The following BMP6 variants were observed in gnomAD, a reference collection of about 807,000 sequenced individuals.
The protein encoded by BMP6 is bone morphogenetic protein 6.
Under a neutral mutation model 54.1 loss-of-function variants are expected in BMP6, and 17 were observed. The ratio of observed to expected loss-of-function variants is 0.31; its 90% CI spans 0.22 to 0.47. The LOEUF (loss-of-function observed/expected upper bound fraction) is 0.47. Ranked by LOEUF, BMP6 falls within the 20% of genes least tolerant of loss-of-function variation. The probability of loss-of-function intolerance (pLI) is 1.00; values close to 1 mark genes in which losing one functional copy is unlikely to be tolerated. For synonymous variants in BMP6, 328 were observed against 291.2 expected, an observed-to-expected ratio of 1.13 and a Z score of -1.28; for missense variants, 720 against 690.4, an observed-to-expected ratio of 1.04 and a Z score of -0.48.
At chr6:7,838,151 T>C (rs948981030) in intron 1 of BMP6, among the ~76,000 whole-genome samples, 1 of 151,962 alleles carries the variant, frequency 6.6e-6, no homozygotes, top group Non-Finnish European at 1.5e-5. Flanking sequence ...TAGTAAGATA[T>C]TTTGAAAAAG....
chr6:7,783,856 C>A (rs1757983744), intron 1 of BMP6, among the ~76,000 whole-genome samples: 1 of 152,232 alleles, frequency 6.6e-6, no homozygotes, highest in Non-Finnish European at 1.5e-5. Context: ...TGTCTCCTAG[C>A]AAATGACATT....
At chr6:7,832,240 C>T (rs971553674) in intron 1 of BMP6, among the ~76,000 whole-genome samples, 2 of 152,088 alleles carry the variant, frequency 1.3e-5, no homozygotes, top group Admixed American at 6.5e-5. Context: ...TGCAATAGAC[C>T]GAATGTTTGT....
In BMP6 at chr6:7,727,191, T is replaced by C. The variant is rs1311229953; in HGVS notation, c.236T>C (p.Met79Thr). The change falls in exon 1 of 7, where the codon ATG (methionine) becomes ACG (threonine). Residue 79 changes from methionine to threonine, a missense_variant. By Grantham distance (81) the Met-to-Thr change is moderately conservative. Coordinates refer to ENST00000283147, the MANE Select transcript of BMP6 (RefSeq NM_001718.6). ...CTCAAGACGCAGGAGAAGCGGGAGA[T>C]GCAGAAGGAGATCTTGTCGGTGCTG... ...RRLKTQEKRE[M>T]QKEILSVLGL... The C allele has an allele frequency of 3.1e-6, 5 of 1,602,938 alleles. No homozygotes were observed. In the South Asian group the frequency reaches 3.3e-5, roughly 11 times the overall value.
intron 1 of BMP6, among the ~76,000 whole-genome samples, chr6:7,757,307 C>G (rs902649211): frequency 5.3e-5 from 8 of 152,174 alleles, no homozygotes; most frequent in Non-Finnish European, 1.2e-4. Context: ...GGCAGTGCTC[C>G]CCCTGAAGAC....
chr6:7,726,890 C>T lies in BMP6; in HGVS notation c.-66C>T. 9.9e-7 allele frequency: 1 copy of T among 1,011,138 alleles called. No homozygotes were observed. Among genetic ancestry groups the T allele is most frequent in the Non-Finnish European group, 1.2e-6 (1 of 841,982 alleles). 62.6% of individuals were successfully genotyped at this position (1,011,138 alleles called of 1,614,324 possible). ...CTCACGCCAAGGGCCACAGCGGCCG[C>T]GCTCCGGCCTCGCTCCGCCGCTCCA... On this transcript the variant is annotated 5_prime_UTR_variant, in exon 1 of 7. Transcript: ENST00000283147.
chr6:7,729,773 T>TA (rs1367169004), intron 1 of BMP6, among the ~76,000 whole-genome samples: 2 of 152,164 alleles, frequency 1.3e-5, no homozygotes, highest in Non-Finnish European at 2.9e-5. Context: ...ACGTGGGTGT[T>TA]ACGTGGGAGG....
At chr6:7,812,398 A>G (rs1022747916) in intron 1 of BMP6, among the ~76,000 whole-genome samples, 3 of 152,252 alleles carry the variant, frequency 2.0e-5, no homozygotes, top group African/African-American at 7.2e-5. Flanking sequence ...ACAAACTAGA[A>G]GAAAATAAAG....
At chr6:7,849,859 A>G (rs940987277) in intron 2 of BMP6, among the ~76,000 whole-genome samples, 3 of 152,200 alleles carry the variant, frequency 2.0e-5, no homozygotes, top group Non-Finnish European at 4.4e-5. Flanking sequence ...GTGATGGTCT[A>G]TATTCTGTGT....
At chr6:7,858,641 G>A (rs1401401795) in intron 2 of BMP6, among the ~76,000 whole-genome samples, 3 of 151,780 alleles carry the variant, frequency 2.0e-5, no homozygotes, top group Admixed American at 6.6e-5. Flanking sequence ...TCTCTCTGGG[G>A]GCTCAGCTGT....
chr6:7,735,553 A>G lies in BMP6; in HGVS notation c.664+7934A>G, dbSNP rs531304139. Among the ~76,000 whole-genome samples, 217 of 152,352 alleles carry G rather than the reference A, an allele frequency of 1.4e-3. 1 individual carries two copies. Among genetic ancestry groups the G allele is most frequent in the Middle Eastern group, 0.01 (3 of 294 alleles). On this transcript the variant is annotated intron_variant, in intron 1 of 6. Transcript: ENST00000283147. ...TAGACTCCCATATCGGAATAAGTTA[A>G]CAACGGAGAAGCTGTACATTTTTTA...
intron 1 of BMP6, among the ~76,000 whole-genome samples, chr6:7,799,792 G>C (rs1011831777): frequency 5.3e-5 from 8 of 150,848 alleles, no homozygotes; most frequent in Non-Finnish European, 1.0e-4. Flanking sequence ...TATTATCATA[G>C]AGTCTTTAAA....
intron 1 of BMP6, among the ~76,000 whole-genome samples, chr6:7,734,168 A>G (rs1204436204): frequency 2.6e-5 from 4 of 152,146 alleles, no homozygotes; most frequent in East Asian, 1.9e-4. Flanking sequence ...CATCCCTAAC[A>G]TGGTTTTTCT....
chr6:7,842,678 CCACCCA>C (rs1758995267), intron 1 of BMP6, among the ~76,000 whole-genome samples: 1 of 152,212 alleles, frequency 6.6e-6, no homozygotes, highest in Non-Finnish European at 1.5e-5. Flanking sequence ...AGGGAGCAGA[CCACCCA>C]CGGGCATAGA....
At chr6:7,776,396 T>C (rs1757861285) in intron 1 of BMP6, among the ~76,000 whole-genome samples, 1 of 152,248 alleles carries the variant, frequency 6.6e-6, no homozygotes, top group Admixed American at 6.5e-5. Context: ...AGCAAAGTTG[T>C]CTGGCTTAGA....
intron 1 of BMP6, among the ~76,000 whole-genome samples, chr6:7,840,535 G>GGTCTA (rs561544364): frequency 1.6e-4 from 24 of 152,138 alleles, no homozygotes; most frequent in Non-Finnish European, 3.4e-4. Flanking sequence ...GTTGGCCAAA[G>GGTCTA]GTCTAGGACA....
At chr6:7,796,696 T>A (rs1554121479) in intron 1 of BMP6, among the ~76,000 whole-genome samples, 1 of 152,224 alleles carries the variant, frequency 6.6e-6, no homozygotes, top group Non-Finnish European at 1.5e-5. Context: ...AAATGTTTTC[T>A]CTTTTACTAC....
intron 1 of BMP6, among the ~76,000 whole-genome samples, chr6:7,839,519 G>T (rs1758931222): frequency 6.6e-6 from 1 of 152,136 alleles, no homozygotes; most frequent in Non-Finnish European, 1.5e-5. Context: ...TATCTCTATG[G>T]ATTTGACTAG....
intron 1 of BMP6, among the ~76,000 whole-genome samples, chr6:7,813,108 A>ATATAT (rs1334488067): frequency 1.4e-4 from 3 of 21,496 alleles, no homozygotes; most frequent in Non-Finnish European, 2.3e-4. Flanking sequence ...AAAAAAAAAA[A>ATATAT]ATATATATAT....
At chr6:7,763,555 A>G (rs966274690) in intron 1 of BMP6, among the ~76,000 whole-genome samples, 1 of 152,150 alleles carries the variant, frequency 6.6e-6, no homozygotes. Context: ...GCTAAAAGCT[A>G]TTTGCTACAG....
Sources: allele counts gnomAD v4.1 joint callset (sites outside exome capture counted in the v4.1 genomes callset), GRCh38; gene constraint gnomAD v4.1.1; transcripts MANE v1.5; gene names NCBI Gene and HGNC (gene_info 2026-07-23, HGNC 2026-07-21).